Variants in LRFN5 observed in about 807,000 individuals in gnomAD.
LRFN5 encodes the protein leucine rich repeat and fibronectin type III domain containing 5, also known as leucine-rich repeat and fibronectin type-III domain-containing protein 5.
Under a neutral mutation model 45.6 loss-of-function variants are expected in LRFN5, and 24 were observed. The observed-to-expected ratio is 0.53, with a 90% CI of 0.38 to 0.74. The LOEUF is 0.74. LRFN5 is among the 30% of genes least tolerant of loss of function. The pLI is 0.00. For synonymous variants in LRFN5, 340 were observed against 313.8 expected (o/e 1.08, Z -0.88); for missense variants, 776 against 861.5 (o/e 0.90, Z 1.24).
intron 5 of LRFN5, among the ~76,000 whole-genome samples, chr14:41,899,614 G>A (rs1422201687): frequency 6.6e-6 from 1 of 152,064 alleles, no homozygotes; most frequent in Non-Finnish European, 1.5e-5. Flanking sequence ...TGTTCAAACA[G>A]CTGGAAGCAT....
chr14:41,757,755 C>T (rs534235248), intron 1 of LRFN5, among the ~76,000 whole-genome samples: 20 of 152,292 alleles, frequency 1.3e-4, no homozygotes, highest in African/African-American at 4.6e-4. Flanking sequence ...GTGCGCTGCA[C>T]CCACTGTACT....
intron 1 of LRFN5, chr14:41,743,073 A>T (rs1268201193): frequency 6.4e-6 from 1 of 155,764 alleles, no homozygotes; most frequent in Non-Finnish European, 1.4e-5. Flanking sequence ...TCAGTGTGCT[A>T]ACCTCACTGT....
At chr14:41,774,595 G>A in intron 2 of LRFN5, among the ~76,000 whole-genome samples, 1 of 152,144 alleles carries the variant, frequency 6.6e-6, no homozygotes, top group East Asian at 1.9e-4. Flanking sequence ...ATGACAAATT[G>A]TATGGAAAAA....
intron 1 of LRFN5, among the ~76,000 whole-genome samples, chr14:41,698,390 A>C (rs1455465809): frequency 6.6e-6 from 1 of 152,076 alleles, no homozygotes; most frequent in Non-Finnish European, 1.5e-5. Flanking sequence ...ATAATTGCCA[A>C]ATGATGTTTT....
At chr14:41,900,108 G>A (rs899364664) in intron 5 of LRFN5, among the ~76,000 whole-genome samples, 2 of 150,906 alleles carry the variant, frequency 1.3e-5, no homozygotes, top group African/African-American at 4.9e-5. Context: ...CATTTTTAAA[G>A]TTCATTTATC....
At chr14:41,740,546 T>A (rs1460924527) in intron 1 of LRFN5, among the ~76,000 whole-genome samples, 2 of 151,992 alleles carry the variant, frequency 1.3e-5, no homozygotes, top group African/African-American at 4.8e-5. Flanking sequence ...ATTGAAATAA[T>A]GTACCTGAAC....
chr14:41,705,056 G>C (rs1314079216), intron 1 of LRFN5, among the ~76,000 whole-genome samples: 3 of 152,046 alleles, frequency 2.0e-5, no homozygotes, highest in African/African-American at 4.8e-5. Context: ...TGGTTCACTT[G>C]TTTGTTTCTA....
At chr14:41,767,706 C>A (rs576460272) in intron 2 of LRFN5, among the ~76,000 whole-genome samples, 11 of 152,226 alleles carry the variant, frequency 7.2e-5, no homozygotes, top group African/African-American at 2.4e-4. Flanking sequence ...GTACTGCATA[C>A]CACCACAAAA....
chr14:41,650,816 CTT>C (rs904221286), intron 1 of LRFN5, among the ~76,000 whole-genome samples: 1 of 147,052 alleles, frequency 6.8e-6, no homozygotes, highest in Non-Finnish European at 1.5e-5. Flanking sequence ...CTAATATGCT[CTT>C]AAGTAAAAGT....
chr14:41,902,099 A>T (rs147723186), intron 5 of LRFN5, among the ~76,000 whole-genome samples: 1 of 151,924 alleles, frequency 6.6e-6, no homozygotes, highest in African/African-American at 2.4e-5. Flanking sequence ...TAGGGGCAGT[A>T]ATAAATCTTT....
At chr14:41,903,024 C>CT (rs1891147997) in intron 5 of LRFN5, among the ~76,000 whole-genome samples, 2 of 151,490 alleles carry the variant, frequency 1.3e-5, no homozygotes, top group East Asian at 1.9e-4. Flanking sequence ...AAAAGTAATT[C>CT]TTTTTTTACA....
chr14:41,622,127 C>T (rs200435394), intron 1 of LRFN5, among the ~76,000 whole-genome samples: 5 of 144,862 alleles, frequency 3.5e-5, no homozygotes, highest in East Asian at 2.0e-4. Context: ...TTCCATCCCT[C>T]TTTTTTTTTT....
intron 1 of LRFN5, among the ~76,000 whole-genome samples, chr14:41,633,782 CTG>C (rs1176653773): frequency 6.6e-6 from 1 of 152,004 alleles, no homozygotes; most frequent in Non-Finnish European, 1.5e-5. Context: ...TAAAATAAAA[CTG>C]TTTAAATGTA....
intron 2 of LRFN5, among the ~76,000 whole-genome samples, chr14:41,834,646 T>C (rs1888599291): frequency 6.6e-6 from 1 of 152,128 alleles, no homozygotes; most frequent in Admixed American, 6.6e-5. Context: ...TGGATTTTTT[T>C]TGTTGTTTGT....
In LRFN5 at chr14:41,784,660, G is replaced by A. The variant is rs374817956; in HGVS notation, c.-21+17631G>A. 2.2e-3 allele frequency among the ~76,000 whole-genome samples: 329 copies of A among 151,630 alleles called. 1 individual carries two copies. Among genetic ancestry groups the A allele is most frequent in the African/African-American group, 7.4e-3 (306 of 41,366 alleles). On this transcript the variant is annotated intron_variant, in intron 2 of 5. Transcript: ENST00000298119. ...GTGTGTGTGTGTGTGACAGAGTCTC[G>A]CTCTGTCACCCAGGCTGGAGTGCAA...
chr14:41,655,288 T>G (rs1003779187), intron 1 of LRFN5, among the ~76,000 whole-genome samples: 2 of 152,036 alleles, frequency 1.3e-5, no homozygotes, highest in African/African-American at 4.8e-5. Flanking sequence ...GAAGGGTTAT[T>G]ATTTTATATA....
At chr14:41,778,075 A>G (rs1289193046) in intron 2 of LRFN5, among the ~76,000 whole-genome samples, 2 of 151,180 alleles carry the variant, frequency 1.3e-5, no homozygotes, top group African/African-American at 2.4e-5. Flanking sequence ...ATAATTTTTA[A>G]TAGTATTTTT....
intron 2 of LRFN5, among the ~76,000 whole-genome samples, chr14:41,842,522 T>C (rs1316970226): frequency 6.7e-6 from 1 of 149,506 alleles, no homozygotes; most frequent in South Asian, 2.1e-4. Flanking sequence ...CATTAAGGGT[T>C]ACACTTCCAT....
intron 1 of LRFN5, among the ~76,000 whole-genome samples, chr14:41,750,298 A>T (rs978028367): frequency 2.2e-5 from 3 of 134,460 alleles, no homozygotes; most frequent in Non-Finnish European, 4.8e-5. Flanking sequence ...TATATATATA[A>T]GATTTTTTAT....
Sources: gnomAD v4.1 joint callset for allele counts (sites outside exome capture counted in the v4.1 genomes callset) on GRCh38, gnomAD v4.1.1 for gene constraint, MANE v1.5 for transcripts, NCBI Gene and HGNC (gene_info 2026-07-23, HGNC 2026-07-21) for gene names.